The following EFEMP1 variants were observed in gnomAD, a reference collection of about 807,000 sequenced individuals.
EFEMP1 encodes EGF-like fibulin extracellular matrix protein 1.
In EFEMP1, 18 loss-of-function variants were observed where a neutral mutation model predicts 65.7. The ratio of observed to expected loss-of-function variants is 0.27; its 90% confidence interval spans 0.19 to 0.41. The LOEUF (loss-of-function observed/expected upper bound fraction) is 0.41, where lower values mean the gene tolerates loss of function less well. Ranked by LOEUF, EFEMP1 falls within the 10% of genes least tolerant of loss-of-function variation. EFEMP1 has a pLI of 1.00. For synonymous variants in EFEMP1, 237 were observed against 219.7 expected, an observed-to-expected ratio of 1.08 and a Z score of -0.70; for missense variants, 469 against 624.8, an observed-to-expected ratio of 0.75 and a Z score of 2.66.
At chr2:55,889,611 T>G (rs936244752) in intron 5 of EFEMP1, among the ~76,000 whole-genome samples, 4 of 152,090 alleles carry the variant, frequency 2.6e-5, no homozygotes, top group African/African-American at 9.7e-5. Context: ...CCTAAAACAA[T>G]AATAGTAAAG....
intron 5 of EFEMP1, among the ~76,000 whole-genome samples, chr2:55,914,897 T>C (rs1670619016): frequency 6.6e-6 from 1 of 152,190 alleles, no homozygotes; most frequent in South Asian, 2.1e-4. Context: ...TCCCCATACT[T>C]CCACATTGGT....
chr2:55,877,684 G>A lies in EFEMP1; in HGVS notation c.760+62C>T. The stretch of plus-strand genomic sequence containing the variant: ...AAGAACATAGAAAACTGGAAATACT[G>A]CAACATGGCATGGGGTTTCCTTTTG... On this transcript the variant is annotated intron_variant, in intron 7 of 11. Coordinates refer to ENST00000355426, the MANE Select transcript of EFEMP1 (RefSeq NM_001039348.3). The surrounding 1 kb of genome is among the most constrained non-coding windows in gnomAD (Gnocchi z 4.5). 5.0e-6 allele frequency: 8 copies of A among 1,608,926 alleles called. No individual in the cohort carries two copies. The highest frequency in any genetic ancestry group is 6.8e-6 in the Non-Finnish European group (8 of 1,176,428).
chr2:55,918,350 T>C, intron 3 of EFEMP1, 83 bp from the exon 4 acceptor site: 1 of 1,478,242 alleles, frequency 6.8e-7, no homozygotes. Context: ...AAAAGCTTCA[T>C]TCTTATGGCA....
chr2:55,900,613 T>C lies in EFEMP1; in HGVS notation c.517+17052A>G, dbSNP rs1341879583. On this transcript the variant is annotated intron_variant, in intron 5 of 11. Transcript: ENST00000355426. ...CTTCTTTACCAAAAAAACCCAAAAC[T>C]TTGCTTTGGATTTTAGTTATACTTT... Among the ~76,000 whole-genome samples, 5 of 152,242 alleles carry C rather than the reference T, an allele frequency of 3.3e-5. 1 individual carries two copies. In the East Asian group the frequency reaches 7.7e-4, roughly 24 times the overall value.
At chr2:55,911,564 A>T (rs1280697992) in intron 5 of EFEMP1, among the ~76,000 whole-genome samples, 8 of 152,130 alleles carry the variant, frequency 5.3e-5, no homozygotes, top group African/African-American at 1.9e-4. Flanking sequence ...TTAAAACAGT[A>T]TAATCCCAGA....
At chr2:55,880,531 C>T (rs1404891335) in intron 6 of EFEMP1, among the ~76,000 whole-genome samples, 1 of 152,240 alleles carries the variant, frequency 6.6e-6, no homozygotes, top group African/African-American at 2.4e-5. Flanking sequence ...CATCTAGGCA[C>T]AGCCCTATGG....
At chr2:55,874,916 C>A in intron 9 of EFEMP1, 30 bp downstream of exon 9, 1 of 1,578,660 alleles carries the variant, frequency 6.3e-7, no homozygotes, top group Non-Finnish European at 8.6e-7. Context: ...AAACTAAATA[C>A]CTAACATATG....
chr2:55,891,856 C>G (rs1669638864), intron 5 of EFEMP1, among the ~76,000 whole-genome samples: 1 of 152,072 alleles, frequency 6.6e-6, no homozygotes. Flanking sequence ...AACATTAAAT[C>G]AAGTGAGATC....
chr2:55,878,455 C>A (rs1669116831), intron 6 of EFEMP1, among the ~76,000 whole-genome samples: 1 of 152,088 alleles, frequency 6.6e-6, no homozygotes, highest in South Asian at 2.1e-4. Flanking sequence ...AGTGTTCCAG[C>A]CTGTGTCCTT....
rs572005261 is a variant in EFEMP1, at chr2:55,877,308, A to C, written c.760+438T>G. Among the ~76,000 whole-genome samples the C allele has an allele frequency of 2.0e-5, 3 of 152,262 alleles. No individual in the cohort carries two copies. The East Asian group carries it at 5.8e-4, about 29-fold the overall frequency. ...TGTGAAAAGGCATTTTTCCTACACT[A>C]GATTTTTTCCATGTCATGCCAATCT... On this transcript the variant is annotated intron_variant, in intron 7 of 11. Coordinates refer to ENST00000355426, the MANE Select transcript of EFEMP1 (RefSeq NM_001039348.3). The surrounding 1 kb of genome is among the most constrained non-coding windows in gnomAD (Gnocchi z 4.5).
Position 55,883,588 on chromosome 2 carries a change from C to T in EFEMP1, c.518-1854G>A, listed in dbSNP as rs1669323493. Among the ~76,000 whole-genome samples, 1 of 152,152 alleles carries T rather than the reference C, an allele frequency of 6.6e-6. No homozygotes were observed. The highest frequency in any genetic ancestry group is 1.5e-5 in the Non-Finnish European group (1 of 68,022). ...TTTCCTCTGGCAGCAGATCAAGGCC[C>T]TGGGCTGGCTGCTGCATTTTCTAAG... On this transcript the variant is annotated intron_variant, in intron 5 of 11. Transcript: ENST00000355426. The surrounding 1 kb of genome is among the most constrained non-coding windows in gnomAD (Gnocchi z 4.5).
intron 11 of EFEMP1, among the ~76,000 whole-genome samples, chr2:55,869,875 G>A (rs1272269157): frequency 2.0e-5 from 3 of 152,058 alleles, no homozygotes; most frequent in Non-Finnish European, 4.4e-5. Flanking sequence ...AACCTAAAAT[G>A]AACTTGCTGA....
chr2:55,890,889 C>G (rs1038917328), intron 5 of EFEMP1, among the ~76,000 whole-genome samples: 1 of 152,050 alleles, frequency 6.6e-6, no homozygotes, highest in African/African-American at 2.4e-5. Flanking sequence ...TAGATGAGAT[C>G]TATATCTGAG....
At position 55,917,049 on chromosome 2, in the gene EFEMP1, G is replaced by C. The variant is rs1459894694; in HGVS notation, c.517+616C>G. 6.6e-6 allele frequency among the ~76,000 whole-genome samples: 1 copy of C among 152,188 alleles called. No homozygotes were observed. Among genetic ancestry groups the C allele is most frequent in the Admixed American group, 6.5e-5 (1 of 15,280 alleles). On this transcript the variant is annotated intron_variant, in intron 5 of 11. Transcript: ENST00000355426. The surrounding 1 kb of genome is among the most constrained non-coding windows in gnomAD (Gnocchi z 6.3). ...CGTGAGTGGGGGAGAATCCCTCCAAGGTAATGAGAAGCAGGAGCCCCATTT... is the reference window on the plus strand; with the variant it reads ...CGTGAGTGGGGGAGAATCCCTCCAACGTAATGAGAAGCAGGAGCCCCATTT...
rs966619311 is a variant in EFEMP1, at chr2:55,883,636, G to C, written c.518-1902C>G. ...AAGGGAGGCCTCAGCAGTGACTGAGGCTTTTCTTTTTGACATCTATCTGCA... is the reference window on the plus strand; with the variant it reads ...AAGGGAGGCCTCAGCAGTGACTGAGCCTTTTCTTTTTGACATCTATCTGCA... On this transcript the variant is annotated intron_variant, in intron 5 of 11. Coordinates refer to ENST00000355426, the MANE Select transcript of EFEMP1 (RefSeq NM_001039348.3). This position sits in a 1 kb window ranked among gnomAD's most constrained non-coding sequence, Gnocchi z 4.5. Among the ~76,000 whole-genome samples the C allele has an allele frequency of 1.3e-5, 2 of 152,104 alleles. No homozygotes were observed. The highest frequency in any genetic ancestry group is 4.8e-5 in the African/African-American group (2 of 41,400).
chr2:55,883,598 T>A lies in EFEMP1; in HGVS notation c.518-1864A>T, dbSNP rs1308914658. ...CAGCAGATCAAGGCCCTGGGCTGGCTGCTGCATTTTCTAAGGGAGGCCTCA... is the reference window on the plus strand; with the variant it reads ...CAGCAGATCAAGGCCCTGGGCTGGCAGCTGCATTTTCTAAGGGAGGCCTCA... On this transcript the variant is annotated intron_variant, in intron 5 of 11. Transcript: ENST00000355426. The surrounding 1 kb of genome is among the most constrained non-coding windows in gnomAD (Gnocchi z 4.5). 6.6e-6 allele frequency among the ~76,000 whole-genome samples: 1 copy of A among 152,224 alleles called. No individual in the cohort carries two copies. Among genetic ancestry groups the A allele is most frequent in the Non-Finnish European group, 1.5e-5 (1 of 68,044 alleles).
rs1670785054 is a variant in EFEMP1, at chr2:55,918,262, G to A, written c.87C>T (p.Cys29=). ...CAGGATCCCACTCATATCCGTCAGT[G>A]CATTGCTGTGAAGAAAACATCAAAG... ...DTEETITYTQ[C]TDGYEWDPVR... Residue 29 remains cysteine (C), a synonymous_variant, in exon 4 of 12, where the codon TGC becomes TGT. Coordinates refer to ENST00000355426, the MANE Select transcript of EFEMP1 (RefSeq NM_001039348.3). The A allele has an allele frequency of 2.5e-6, 4 of 1,614,172 alleles. No homozygotes were observed. The East Asian group carries it at 8.9e-5, about 36-fold the overall frequency.
chr2:55,866,910 T>C lies in EFEMP1; in HGVS notation c.*163A>G. On this transcript the variant is annotated 3_prime_UTR_variant, in exon 12 of 12. Coordinates refer to ENST00000355426, the MANE Select transcript of EFEMP1 (RefSeq NM_001039348.3). ...TAAAGACAAACTTTGAATCTTTACA[T>C]ATTAAATGCCCACTTTATACCATGG... The C allele has an allele frequency of 2.3e-6, 2 of 867,224 alleles. No individual in the cohort carries two copies. Among genetic ancestry groups the C allele is most frequent in the Non-Finnish European group, 3.5e-6 (2 of 567,830 alleles). 53.7% of individuals were successfully genotyped at this position (867,224 alleles called of 1,614,324 possible). A position where few individuals can be genotyped will look rare whatever the true frequency, so the allele number is the denominator to read the frequency against.
rs895480539 is a variant in EFEMP1, at chr2:55,875,136, A to T, written c.881-71T>A. On this transcript the variant is annotated intron_variant, in intron 8 of 11. Transcript: ENST00000355426. ...GCACCACTACTTTGGATATATATAT[A>T]TATATAAATTATATATATATATAAA... The T allele has an allele frequency of 4.9e-6, 3 of 614,718 alleles. No individual in the cohort carries two copies. The Admixed American group carries it at 1.4e-4, about 29-fold the overall frequency. 38.1% of individuals were successfully genotyped at this position (614,718 alleles called of 1,614,324 possible).
Sources: gnomAD v4.1 joint callset for allele counts (sites outside exome capture counted in the v4.1 genomes callset) on GRCh38, gnomAD v4.1.1 for gene constraint, Gnocchi (gnomAD v3.1) non-coding constraint, MANE v1.5 for transcripts, NCBI Gene and HGNC (gene_info 2026-07-23, HGNC 2026-07-21) for gene names.